The following DLG5 variants were observed in gnomAD, a reference collection of about 807,000 sequenced individuals.
DLG5 encodes the protein discs large MAGUK scaffold protein 5.
DLG5 carries 48 observed loss-of-function variants against 189.8 expected under a neutral mutation model. The ratio of observed to expected loss-of-function variants is 0.25; its 90% confidence interval spans 0.20 to 0.32. The LOEUF is 0.32. Among genes scored for constraint, DLG5 ranks in the 10% least tolerant of loss-of-function variants. The pLI is 1.00. For missense variants in DLG5, 2,160 were observed against 2,544.7 expected (o/e 0.85, Z 3.25); for synonymous variants, 1,016 against 1,054.1 (o/e 0.96, Z 0.70).
At chr10:77,878,948 C>G (rs1845189256) in intron 1 of DLG5, among the ~76,000 whole-genome samples, 1 of 152,230 alleles carries the variant, frequency 6.6e-6, no homozygotes, top group African/African-American at 2.4e-5. Flanking sequence ...AAGGCCCACT[C>G]ATTCGCCAAA....
chr10:77,870,355 G>C (rs1206686584), intron 1 of DLG5, among the ~76,000 whole-genome samples: 2 of 152,146 alleles, frequency 1.3e-5, no homozygotes, highest in Non-Finnish European at 2.9e-5. Flanking sequence ...ATGAGATCCT[G>C]GGCTCCACAA....
intron 7 of DLG5, among the ~76,000 whole-genome samples, chr10:77,837,353 G>A (rs143676954): frequency 3.0e-4 from 46 of 151,886 alleles, no homozygotes; most frequent in Middle Eastern, 6.9e-3. Flanking sequence ...ACGTTACCAC[G>A]TGGATTCCCT....
chr10:77,873,709 A>G lies in DLG5; in HGVS notation c.305-4512T>C, dbSNP rs183180653. Among the ~76,000 whole-genome samples, 141 of 152,216 alleles carry G rather than the reference A, an allele frequency of 9.3e-4. 1 individual carries two copies. The highest frequency in any genetic ancestry group is 3.4e-3 in the African/African-American group (141 of 41,530). ...GGTGACTCACGCTTCCTCTTCGTGA[A>G]GCTCACAGTGGCTGAAGGAACTTGT... On this transcript the variant is annotated intron_variant, in intron 1 of 31. Coordinates refer to ENST00000372391, the MANE Select transcript of DLG5 (RefSeq NM_004747.4).
intron 2 of DLG5, among the ~76,000 whole-genome samples, chr10:77,862,114 T>C (rs1844494625): frequency 6.6e-6 from 1 of 152,196 alleles, no homozygotes; most frequent in South Asian, 2.1e-4. Flanking sequence ...TACTTGCATC[T>C]AGAGGTTGAC....
chr10:77,840,889 G>C (rs61854606), intron 7 of DLG5, among the ~76,000 whole-genome samples: 2,713 of 152,198 alleles, frequency 0.018, 43 homozygotes, highest in Admixed American at 0.039. Flanking sequence ...TCACCCCCTG[G>C]GCATCACCTG....
chr10:77,896,012 T>C (rs1465691422), intron 1 of DLG5, among the ~76,000 whole-genome samples: 1 of 151,928 alleles, frequency 6.6e-6, no homozygotes, highest in African/African-American at 2.4e-5. Flanking sequence ...GAACAAAAAT[T>C]AGCCAGGCGT....
chr10:77,853,269 A>C, intron 5 of DLG5, 85 bp downstream of exon 5: 1 of 1,270,268 alleles, frequency 7.9e-7, no homozygotes, highest in Non-Finnish European at 1.0e-6. Flanking sequence ...TGCCCGGCCC[A>C]GCATTTACTT....
At chr10:77,862,664 T>C (rs1351915076) in intron 2 of DLG5, among the ~76,000 whole-genome samples, 1 of 152,238 alleles carries the variant, frequency 6.6e-6, no homozygotes, top group Non-Finnish European at 1.5e-5. Flanking sequence ...CACAGCTGTT[T>C]AGAGCAGCTA....
chr10:77,829,308 G>T (rs771572458), intron 12 of DLG5, 47 bp downstream of exon 12: 4 of 1,611,346 alleles, frequency 2.5e-6, no homozygotes, highest in Non-Finnish European at 3.4e-6. Context: ...CCACAAAAAA[G>T]GGCCCCAGCC....
At chr10:77,859,739 C>G (rs944872335) in intron 2 of DLG5, among the ~76,000 whole-genome samples, 1 of 152,236 alleles carries the variant, frequency 6.6e-6, no homozygotes, top group East Asian at 1.9e-4. Flanking sequence ...TTAAGCAACA[C>G]AGACTGTGTT....
chr10:77,931,424 T>A (rs554445163), upstream of DLG5, among the ~76,000 whole-genome samples: 20 of 151,718 alleles, frequency 1.3e-4, no homozygotes, highest in African/African-American at 4.8e-4. Flanking sequence ...TTTTTTTTTT[T>A]ATTTTTGTAG....
At chr10:77,829,284 C>A (rs1589169621) in intron 12 of DLG5, 71 bp downstream of exon 12, 3 of 1,592,354 alleles carry the variant, frequency 1.9e-6, no homozygotes, top group East Asian at 2.2e-5. Flanking sequence ...CTAAGGGGCA[C>A]CCCCGGCCCC....
chr10:77,912,032 C>G (rs932123123), intron 1 of DLG5, among the ~76,000 whole-genome samples: 4 of 151,388 alleles, frequency 2.6e-5, no homozygotes, highest in Admixed American at 6.6e-5. Context: ...GACCCCATCT[C>G]TATGAATTTT....
At position 77,809,591 on chromosome 10, in the gene DLG5, C is replaced by A. The variant is rs770053362; in HGVS notation, c.4603G>T (p.Ala1535Ser). 1.2e-6 allele frequency: 2 copies of A among 1,614,028 alleles called. No homozygotes were observed. Among genetic ancestry groups the A allele is most frequent in the East Asian group, 2.2e-5 (1 of 44,894 alleles). The change falls in exon 24 of 32, where the codon GCC (alanine) becomes TCC (serine). Residue 1535 changes from alanine (A) to serine (S), a missense_variant. Ala to Ser is a moderately conservative substitution (Grantham distance 99). This residue lies in a region of DLG5 where 574 missense variants were observed against 644.2 expected (regional missense o/e 0.89). Transcript: ENST00000372391. ...GGCACGAGGCCGTCAGGACCCTTGGCAGGACTGTCATCCTCCACCTCGGCC... is the reference window on the plus strand; with the variant it reads ...GGCACGAGGCCGTCAGGACCCTTGGAAGGACTGTCATCCTCCACCTCGGCC... ...FVAEVEDDSP[A>S]KGPDGLVPGD...
chr10:77,871,850 CAT>C (rs1427491005), intron 1 of DLG5, among the ~76,000 whole-genome samples: 1 of 152,066 alleles, frequency 6.6e-6, no homozygotes, highest in Non-Finnish European at 1.5e-5. Context: ...GCCTGCATCA[CAT>C]GTTTTTTTAA....
intron 2 of DLG5, among the ~76,000 whole-genome samples, chr10:77,865,324 A>G (rs1441597705): frequency 2.6e-5 from 4 of 152,154 alleles, no homozygotes; most frequent in Non-Finnish European, 5.9e-5. Flanking sequence ...ATGAAGGATC[A>G]GAGGTCACAG....
chr10:77,830,596 G>A (rs1035970488), intron 10 of DLG5, 145 bp downstream of exon 10: 2 of 1,366,684 alleles, frequency 1.5e-6, no homozygotes, highest in Non-Finnish European at 1.0e-6. Flanking sequence ...CTGGACAGCT[G>A]CTGGGAAAGG....
At chr10:77,864,679 C>T (rs1278419669) in intron 2 of DLG5, among the ~76,000 whole-genome samples, 5 of 152,270 alleles carry the variant, frequency 3.3e-5, no homozygotes, top group African/African-American at 1.2e-4. Context: ...GTTTGAGAAC[C>T]TCTGTTCCAG....
intron 15 of DLG5, chr10:77,820,443 AG>A (rs1842289699): frequency 6.0e-6 from 1 of 166,986 alleles, no homozygotes; most frequent in Non-Finnish European, 1.3e-5. Context: ...ACTGGGGCAC[AG>A]GAAGGGACAT....
Sources: gnomAD v4.1 joint callset for allele counts (sites outside exome capture counted in the v4.1 genomes callset) on GRCh38, gnomAD v4.1.1 for gene constraint, gnomAD v4.1.1 regional missense constraint, MANE v1.5 for transcripts, NCBI Gene and HGNC (gene_info 2026-07-23, HGNC 2026-07-21) for gene names.